MYOF: variants seen among roughly 807,000 people sequenced by gnomAD.
MYOF encodes the protein fer-1-like 3, myoferlin.
In MYOF, 244 loss-of-function variants were observed where a neutral mutation model predicts 284.2. That is an observed-to-expected ratio of 0.86 (90% CI 0.77 to 0.95). MYOF has a LOEUF of 0.95. MYOF is among the 40% of genes least tolerant of loss of function. The pLI is 0.00. For synonymous variants in MYOF, 904 were observed against 919.7 expected (o/e 0.98, Z 0.31); for missense variants, 2,496 against 2,560.6 (o/e 0.97, Z 0.54).
intron 7 of MYOF, among the ~76,000 whole-genome samples, chr10:93,406,571 C>CGT (rs1554855720): frequency 2.5e-5 from 1 of 39,540 alleles, no homozygotes; most frequent in South Asian, 2.6e-3. Flanking sequence ...CCTCCCCACC[C>CGT]ATCCAGTCTT....
chr10:93,349,427 C>T (rs1844396835), intron 36 of MYOF, among the ~76,000 whole-genome samples: 1 of 152,210 alleles, frequency 6.6e-6, no homozygotes, highest in Admixed American at 6.5e-5. Context: ...GACAGCCAGT[C>T]CTTATCCAGA....
intron 30 of MYOF, 129 bp downstream of exon 30, chr10:93,356,546 C>A: frequency 2.0e-6 from 2 of 994,832 alleles, no homozygotes; most frequent in South Asian, 1.6e-5. Context: ...TTTCCCTCAA[C>A]CTGTTAATAT....
rs372139091 is a variant in MYOF, at chr10:93,449,876, G to C, written c.236+2174C>G. 4.6e-5 allele frequency among the ~76,000 whole-genome samples: 7 copies of C among 152,270 alleles called. No individual in the cohort carries two copies. In the South Asian group the frequency reaches 1.5e-3, roughly 32 times the overall value. Reference sequence around the variant, plus strand: ...TGGTAAAAAGGATGTCATCAAAGGCGAAGATGGGAGTGCCTATCAAAGCAC... The same window carrying C: ...TGGTAAAAAGGATGTCATCAAAGGCCAAGATGGGAGTGCCTATCAAAGCAC... On this transcript the variant is annotated intron_variant, in intron 3 of 53. Coordinates refer to ENST00000359263, the MANE Select transcript of MYOF (RefSeq NM_013451.4).
At chr10:93,385,315 C>T (rs1483160425) in intron 19 of MYOF, among the ~76,000 whole-genome samples, 1 of 152,220 alleles carries the variant, frequency 6.6e-6, no homozygotes, top group Non-Finnish European at 1.5e-5. Context: ...GCTGAATCTG[C>T]TGCATCCCTC....
chr10:93,370,781 A>G (rs1186010781), intron 24 of MYOF, among the ~76,000 whole-genome samples: 1 of 152,190 alleles, frequency 6.6e-6, no homozygotes, highest in African/African-American at 2.4e-5. Flanking sequence ...GTTGAACTAG[A>G]TTTTTGAAAA....
At chr10:93,337,747 T>C in intron 40 of MYOF, 68 bp downstream of exon 40, 1 of 1,364,364 alleles carries the variant, frequency 7.3e-7, no homozygotes. Context: ...AGTCATCCTC[T>C]TAGCTCTGCC....
rs2133959051 is a variant in MYOF at position 93,369,744 on chromosome 10, C to A, written c.2490G>T (p.Val830=). 2 of 1,614,156 alleles carry A rather than the reference C, an allele frequency of 1.2e-6. No individual in the cohort carries two copies. The highest frequency in any genetic ancestry group is 4.5e-5 in the East Asian group (2 of 44,874). ...YPQEKNNGPK[V]PVELRVNIWL... is the part of the protein sequence containing the mutation. ...AGATGTTCACTCGCAACTCCACAGG[C>A]ACCTTTGGCCCGTTGTTTTTCTCCT... Residue 830 remains valine, a synonymous_variant, in exon 25 of 54, where the codon GTG becomes GTT. Transcript: ENST00000359263.
At chr10:93,438,404 A>G (rs2056137753) in intron 3 of MYOF, among the ~76,000 whole-genome samples, 2 of 152,124 alleles carry the variant, frequency 1.3e-5, no homozygotes, top group Admixed American at 1.3e-4. Flanking sequence ...ATCACAGGAA[A>G]CTATTGCTAA....
rs1564751011 is a variant in MYOF, at chr10:93,482,277, GAGA to G, written c.-86_-84del. The G allele has an allele frequency of 1.7e-6, 2 of 1,182,034 alleles. No homozygotes were observed. Among genetic ancestry groups the G allele is most frequent in the Non-Finnish European group, 2.5e-6 (2 of 808,826 alleles). 73.2% of individuals were successfully genotyped at this position (1,182,034 alleles called of 1,614,324 possible). A position where few individuals can be genotyped will look rare whatever the true frequency, so the allele number is the denominator to read the frequency against. ...AGCTCCGGGTCGCACCGCCCTGGGA[GAGA>G]AGTTCTCTCCCAGTGAAGGGAGGAT... On this transcript the variant is annotated 5_prime_UTR_variant, in exon 1 of 54. Coordinates refer to ENST00000359263, the MANE Select transcript of MYOF (RefSeq NM_013451.4).
At chr10:93,431,571 T>C (rs1435190115) in intron 3 of MYOF, 55 bp from the exon 4 acceptor site, 1 of 1,356,954 alleles carries the variant, frequency 7.4e-7, no homozygotes, top group Non-Finnish European at 1.0e-6. Context: ...AGGCTTCCAA[T>C]GACTCAGGAC....
intron 39 of MYOF, among the ~76,000 whole-genome samples, chr10:93,339,254 G>A (rs758503607): frequency 6.6e-5 from 10 of 151,790 alleles, no homozygotes; most frequent in Non-Finnish European, 7.4e-5. Flanking sequence ...CTCATGATCC[G>A]CTCACCTCAG....
In MYOF at chr10:93,333,742, AC is replaced by A. The variant is rs750266586; in HGVS notation, c.4719+15del. 6.2e-7 allele frequency: 1 copy of A among 1,612,352 alleles called. No homozygotes were observed. Among genetic ancestry groups the A allele is most frequent in the Admixed American group, 1.7e-5 (1 of 59,950 alleles). Reference sequence around the variant, plus strand: ...TTATCTTGCTACAGGAGAAGGCCCCACACCCAAACTCTTACCAGGCCATTGT... The same window carrying A: ...TTATCTTGCTACAGGAGAAGGCCCCAACCCAAACTCTTACCAGGCCATTGT... On this transcript the variant is annotated intron_variant, in intron 42 of 53. Transcript: ENST00000359263.
In MYOF at chr10:93,417,523, A is replaced by G. The variant is rs538201932; in HGVS notation, c.434-7784T>C. ...GTCAAGTTTGCCTTTGGCATCCCCA[A>G]CTGTGCCTTTCCCCAGTGCATATCA... On this transcript the variant is annotated intron_variant, in intron 5 of 53. Transcript: ENST00000359263. Among the ~76,000 whole-genome samples, 27 of 151,970 alleles carry G rather than the reference A, an allele frequency of 1.8e-4. No homozygotes were observed. In the South Asian group the frequency reaches 1.9e-3, roughly 11 times the overall value.
chr10:93,465,538 C>CT (rs71031511), intron 1 of MYOF, among the ~76,000 whole-genome samples: 10,863 of 111,820 alleles, frequency 0.097, 888 homozygotes, highest in East Asian at 0.2. Context: ...TTTTTCTTTT[C>CT]TTTTTTTTTT....
intron 48 of MYOF, 56 bp from the exon 49 acceptor site, chr10:93,320,069 G>T (rs981296417): frequency 3.1e-6 from 5 of 1,592,916 alleles, no homozygotes; most frequent in South Asian, 1.1e-5. Context: ...TCATGTAGCC[G>T]CAAAATTGTG....
intron 32 of MYOF, 43 bp downstream of exon 32, chr10:93,353,768 T>C: frequency 6.9e-7 from 1 of 1,456,186 alleles, no homozygotes; most frequent in Non-Finnish European, 9.4e-7. Flanking sequence ...CAAAATAGCA[T>C]GCTATGTAAT....
At chr10:93,453,575 A>G (rs960482262) in intron 2 of MYOF, among the ~76,000 whole-genome samples, 3 of 152,188 alleles carry the variant, frequency 2.0e-5, no homozygotes, top group Non-Finnish European at 4.4e-5. Context: ...CTGGGATTAC[A>G]GGCATGTGCC....
Position 93,351,762 on chromosome 10 carries a change from G to T in MYOF, c.3566C>A (p.Thr1189Lys). 1.9e-6 allele frequency: 3 copies of T among 1,601,070 alleles called. No homozygotes were observed. The highest frequency in any genetic ancestry group is 1.1e-5 in the South Asian group (1 of 87,830). Residue 1189 changes from threonine to lysine, a missense_variant, in exon 33 of 54, where the codon ACA (threonine) becomes AAA (lysine). By Grantham distance (78) the Thr-to-Lys change is moderately conservative. This residue lies in a region of MYOF where 2,436 missense variants were observed against 2,480.7 expected (regional missense o/e 0.98). Coordinates refer to ENST00000359263, the MANE Select transcript of MYOF (RefSeq NM_013451.4). Reference sequence around the variant, plus strand: ...GATTTCAACTTCATCGAATATAATTGTTTGGTCCCACGTGGGATTCAGGGT... The same window carrying T: ...GATTTCAACTTCATCGAATATAATTTTTTGGTCCCACGTGGGATTCAGGGT... ...HSTLNPTWDQTIIFDEVEIYG... is the reference protein window; with the variant it reads ...HSTLNPTWDQKIIFDEVEIYG...
rs751392143 is a variant in MYOF, at chr10:93,307,037, GTATGTATA to G, written c.6148-44_6148-37del. 2.6e-6 allele frequency: 4 copies of G among 1,557,620 alleles called. No individual in the cohort carries two copies. In the Admixed American group the frequency reaches 6.9e-5, roughly 27 times the overall value. On this transcript the variant is annotated intron_variant, in intron 53 of 53. Coordinates refer to ENST00000359263, the MANE Select transcript of MYOF (RefSeq NM_013451.4). ...AACAAAAACAGTGGTAAAAAAACAT[GTATGTATA>G]TATGTTTTTCAGTTAGGGTTTCTCA...
Sources: gnomAD v4.1 joint callset for allele counts (sites outside exome capture counted in the v4.1 genomes callset) on GRCh38, gnomAD v4.1.1 for gene constraint, gnomAD v4.1.1 regional missense constraint, MANE v1.5 for transcripts, NCBI Gene and HGNC (gene_info 2026-07-23, HGNC 2026-07-21) for gene names.